The following ROR2 variants were observed in gnomAD, a reference collection of about 807,000 sequenced individuals.
ROR2 encodes tyrosine-protein kinase transmembrane receptor ROR2.
Under a neutral mutation model 74.9 loss-of-function variants are expected in ROR2, and 33 were observed. That is an observed-to-expected ratio of 0.44 (90% CI 0.33 to 0.59). The LOEUF (loss-of-function observed/expected upper bound fraction) is 0.59. Among genes scored for constraint, ROR2 ranks in the 20% least tolerant of loss-of-function variants. The pLI is 0.02. For missense variants in ROR2, 1,216 were observed against 1,313.8 expected (o/e 0.93, Z 1.15); for synonymous variants, 586 against 558.7 (o/e 1.05, Z -0.69).
chr9:91,731,242 A>T (rs754059413), intron 6 of ROR2, 87 bp from the exon 7 acceptor site: 38 of 1,581,624 alleles, frequency 2.4e-5, no homozygotes, highest in Non-Finnish European at 3.2e-5. Flanking sequence ...TTTCCAAAAG[A>T]TCCAAGGATT....
rs142369076 is a variant in ROR2 at position 91,871,339 on chromosome 9, T to A, written c.97+78528A>T. 3.1e-4 allele frequency among the ~76,000 whole-genome samples: 47 copies of A among 152,372 alleles called. 1 individual carries two copies. Among genetic ancestry groups the A allele is most frequent in the Admixed American group, 3.1e-3 (47 of 15,310 alleles). On this transcript the variant is annotated intron_variant, in intron 1 of 8. Coordinates refer to ENST00000375708, the MANE Select transcript of ROR2 (RefSeq NM_004560.4). ...TCTCATTCTATCATTCTCCCTCATCTTGCCATGGATTGGCATGATATATCA... is the reference window on the plus strand; with the variant it reads ...TCTCATTCTATCATTCTCCCTCATCATGCCATGGATTGGCATGATATATCA...
At chr9:91,865,697 T>C (rs1051030060) in intron 1 of ROR2, among the ~76,000 whole-genome samples, 12 of 152,208 alleles carry the variant, frequency 7.9e-5, no homozygotes, top group African/African-American at 2.7e-4. Flanking sequence ...ATGGATTAAG[T>C]CCTACTTTAA....
chr9:91,867,656 C>CTGTG (rs57475950), intron 1 of ROR2, among the ~76,000 whole-genome samples: 3,539 of 131,322 alleles, frequency 0.027, 68 homozygotes, highest in African/African-American at 0.037. Flanking sequence ...CACCCATGAG[C>CTGTG]TGTGTGTGTG....
chr9:91,870,416 C>T (rs999749310), intron 1 of ROR2, among the ~76,000 whole-genome samples: 3 of 152,154 alleles, frequency 2.0e-5, no homozygotes, highest in East Asian at 1.9e-4. Context: ...ATAGCCAGAC[C>T]GGGTCTTGAT....
intron 1 of ROR2, among the ~76,000 whole-genome samples, chr9:91,839,404 T>C (rs1808492205): frequency 6.6e-6 from 1 of 151,086 alleles, no homozygotes; most frequent in African/African-American, 2.4e-5. Context: ...GTGTTGTGAG[T>C]GTGGGTCTGT....
At chr9:91,823,980 C>T (rs766165442) in intron 1 of ROR2, among the ~76,000 whole-genome samples, 1 of 152,212 alleles carries the variant, frequency 6.6e-6, no homozygotes, top group Non-Finnish European at 1.5e-5. Context: ...TCAGAGTCAG[C>T]CTGCTTCTAC....
At chr9:91,829,572 A>AAAAAAAAAAAAC (rs1828398366) in intron 1 of ROR2, among the ~76,000 whole-genome samples, 5 of 151,220 alleles carry the variant, frequency 3.3e-5, no homozygotes, top group Admixed American at 6.6e-5. Context: ...AAAAAAAAAA[A>AAAAAAAAAAAAC]AGCACACATC....
intron 1 of ROR2, among the ~76,000 whole-genome samples, chr9:91,918,977 T>C (rs1587846625): frequency 6.6e-6 from 1 of 152,104 alleles, no homozygotes; most frequent in Non-Finnish European, 1.5e-5. Context: ...TCTGAGGTCT[T>C]CCCCGCCCCT....
At chr9:91,878,414 G>T (rs1350147809) in intron 1 of ROR2, among the ~76,000 whole-genome samples, 2 of 152,208 alleles carry the variant, frequency 1.3e-5, no homozygotes, top group Non-Finnish European at 2.9e-5. Context: ...TTGCCTGGCA[G>T]AAGTGGGTTT....
intron 1 of ROR2, among the ~76,000 whole-genome samples, chr9:91,827,082 C>T (rs1000132266): frequency 5.9e-5 from 9 of 152,066 alleles, no homozygotes; most frequent in East Asian, 1.9e-4. Context: ...TTTTGTTACA[C>T]GATTAGACTC....
At chr9:91,935,516 G>A (rs763517706) in intron 1 of ROR2, among the ~76,000 whole-genome samples, 5 of 152,210 alleles carry the variant, frequency 3.3e-5, no homozygotes, top group African/African-American at 4.8e-5. Context: ...TCCAGGTCCC[G>A]CATAAATCAC....
At chr9:91,873,157 CCT>C (rs1268594798) in intron 1 of ROR2, among the ~76,000 whole-genome samples, 29 of 151,484 alleles carry the variant, frequency 1.9e-4, no homozygotes, top group Non-Finnish European at 2.8e-4. Context: ...TGGTTTTCAC[CCT>C]CCCCTGTCAT....
chr9:91,909,384 A>G (rs375250246), intron 1 of ROR2, among the ~76,000 whole-genome samples: 2 of 152,154 alleles, frequency 1.3e-5, no homozygotes, highest in East Asian at 1.9e-4. Context: ...TTTTGGAGTC[A>G]GGGTCTCACT....
intron 1 of ROR2, among the ~76,000 whole-genome samples, chr9:91,859,849 C>A (rs1197891741): frequency 6.6e-6 from 1 of 151,706 alleles, no homozygotes; most frequent in Non-Finnish European, 1.5e-5. Flanking sequence ...ACAAACAAAA[C>A]CATGTGTTTC....
intron 2 of ROR2, among the ~76,000 whole-genome samples, chr9:91,762,531 A>G (rs1825946656): frequency 6.6e-6 from 1 of 152,244 alleles, no homozygotes; most frequent in Admixed American, 6.5e-5. Context: ...GCTATCAAAC[A>G]ATAACCATGA....
intron 1 of ROR2, among the ~76,000 whole-genome samples, chr9:91,833,266 G>A (rs567605227): frequency 3.1e-4 from 47 of 152,232 alleles, no homozygotes; most frequent in African/African-American, 1.1e-3. Context: ...GGATGCTCCC[G>A]ACGCATCCAC....
intron 1 of ROR2, among the ~76,000 whole-genome samples, chr9:91,786,217 C>G (rs1268963171): frequency 6.9e-6 from 1 of 144,210 alleles, no homozygotes; most frequent in Admixed American, 7.4e-5. Flanking sequence ...AACCCTGACA[C>G]TCCACAGACT....
At chr9:91,885,835 AG>A (rs1388124657) in intron 1 of ROR2, among the ~76,000 whole-genome samples, 1 of 150,736 alleles carries the variant, frequency 6.6e-6, no homozygotes, top group Non-Finnish European at 1.5e-5. Context: ...ATTTTATATT[AG>A]GAAGTGCCTT....
At chr9:91,913,396 C>T (rs2119442131) in intron 1 of ROR2, among the ~76,000 whole-genome samples, 1 of 152,038 alleles carries the variant, frequency 6.6e-6, no homozygotes, top group South Asian at 2.1e-4. Flanking sequence ...TCTCTTTGTT[C>T]CAGAGAAGAG....
Sources: allele counts gnomAD v4.1 joint callset (sites outside exome capture counted in the v4.1 genomes callset), GRCh38; gene constraint gnomAD v4.1.1; transcripts MANE v1.5; gene names NCBI Gene and HGNC (gene_info 2026-07-23, HGNC 2026-07-21).